The following GOLIM4 variants were observed in gnomAD, a reference collection of about 807,000 sequenced individuals.
GOLIM4 encodes golgi integral membrane protein 4, also known as 130 kDa golgi-localized phosphoprotein.
A neutral mutation model predicts 107.4 loss-of-function variants in GOLIM4; 71 were observed. That is an observed-to-expected ratio of 0.66 (90% CI 0.55 to 0.81). The LOEUF (loss-of-function observed/expected upper bound fraction) is 0.81, where lower values mean the gene tolerates loss of function less well. Ranked by LOEUF, GOLIM4 falls within the 30% of genes least tolerant of loss-of-function variation. The probability of loss-of-function intolerance (pLI) is 0.00; values close to 1 mark genes in which losing one functional copy is unlikely to be tolerated. For synonymous variants in GOLIM4, 327 were observed against 294.8 expected (o/e 1.11, Z -1.12); for missense variants, 830 against 826.1 (o/e 1.00, Z -0.06).
Position 168,010,209 on chromosome 3 carries a change from T to C in GOLIM4, c.*60A>G, listed in dbSNP as rs530455515. 4.7e-6 allele frequency: 7 copies of C among 1,485,440 alleles called. No individual in the cohort carries two copies. In the Admixed American group the frequency reaches 1.5e-4, roughly 32 times the overall value. 92.0% of individuals were successfully genotyped at this position (1,485,440 alleles called of 1,614,324 possible). A position where few individuals can be genotyped will look rare whatever the true frequency, so the allele number is the denominator to read the frequency against. On this transcript the variant is annotated 3_prime_UTR_variant, in exon 16 of 16. Coordinates refer to ENST00000470487, the MANE Select transcript of GOLIM4 (RefSeq NM_014498.5). ...TATCCTAGAGTTCAGTAGGCAGATT[T>C]ATGTTTGAGCAGCTTGAAAAGAATC...
chr3:168,051,335 T>C (rs1485051529), intron 1 of GOLIM4, among the ~76,000 whole-genome samples: 1 of 152,200 alleles, frequency 6.6e-6, no homozygotes. Context: ...AACTGAATCA[T>C]ACAACTGTCT....
chr3:168,018,281 A>T (rs1246524005), intron 14 of GOLIM4, among the ~76,000 whole-genome samples: 1 of 152,190 alleles, frequency 6.6e-6, no homozygotes, highest in African/African-American at 2.4e-5. Context: ...ATTCAGAAGA[A>T]ACAAATTACG....
chr3:168,066,362 A>G (rs1285630525), intron 1 of GOLIM4, among the ~76,000 whole-genome samples: 2 of 152,170 alleles, frequency 1.3e-5, no homozygotes, highest in Non-Finnish European at 2.9e-5. Context: ...ATTATATTAC[A>G]TATTCATTTT....
intron 1 of GOLIM4, among the ~76,000 whole-genome samples, chr3:168,083,872 T>A (rs1291776492): frequency 2.0e-5 from 3 of 152,218 alleles, no homozygotes; most frequent in African/African-American, 7.2e-5. Context: ...GAATTCAGCA[T>A]GTGCTGAATG....
At chr3:168,016,709 G>T (rs1454310623) in intron 14 of GOLIM4, among the ~76,000 whole-genome samples, 1 of 134,388 alleles carries the variant, frequency 7.4e-6, no homozygotes, top group African/African-American at 3.9e-5. Context: ...ATACTATGCA[G>T]CCATAAAAAA....
chr3:168,058,421 C>T (rs867711433), intron 1 of GOLIM4, among the ~76,000 whole-genome samples: 2 of 152,178 alleles, frequency 1.3e-5, no homozygotes, highest in Admixed American at 6.5e-5. Flanking sequence ...AAGTGCTGAG[C>T]TACTAATAAT....
At chr3:168,055,435 G>A (rs902879741) in intron 1 of GOLIM4, among the ~76,000 whole-genome samples, 5 of 152,260 alleles carry the variant, frequency 3.3e-5, no homozygotes, top group African/African-American at 1.2e-4. Flanking sequence ...AGAGATCTGT[G>A]GAACTTTGAA....
chr3:168,088,310 CCTA>C (rs1476351689), intron 1 of GOLIM4, among the ~76,000 whole-genome samples: 4 of 152,124 alleles, frequency 2.6e-5, no homozygotes, highest in Non-Finnish European at 5.9e-5. Context: ...AACACTCTTA[CCTA>C]CTAGATGTAG....
intron 8 of GOLIM4, among the ~76,000 whole-genome samples, chr3:168,035,467 TA>T (rs1312229183): frequency 2.6e-5 from 4 of 152,102 alleles, no homozygotes; most frequent in African/African-American, 7.2e-5. Context: ...TATGCAGTCA[TA>T]AAAAAAGAAC....
intron 12 of GOLIM4, 95 bp from the exon 13 acceptor site, chr3:168,025,190 T>C: frequency 2.1e-6 from 2 of 939,208 alleles, no homozygotes; most frequent in Non-Finnish European, 3.2e-6. Context: ...AAAATGAAAT[T>C]GTCCTTCCCT....
chr3:168,053,681 G>A (rs1719779084), intron 1 of GOLIM4, among the ~76,000 whole-genome samples: 1 of 152,176 alleles, frequency 6.6e-6, no homozygotes, highest in South Asian at 2.1e-4. Context: ...GCCTTTATGT[G>A]ACAGTTTTTG....
At chr3:168,017,265 A>G (rs2108211867) in intron 14 of GOLIM4, among the ~76,000 whole-genome samples, 1 of 152,206 alleles carries the variant, frequency 6.6e-6, no homozygotes, top group Non-Finnish European at 1.5e-5. Flanking sequence ...AGGCAAGAGG[A>G]TCACTTGAGC....
chr3:168,013,651 C>T (rs1717192364), intron 14 of GOLIM4, among the ~76,000 whole-genome samples: 6 of 151,432 alleles, frequency 4.0e-5, no homozygotes, highest in Admixed American at 3.9e-4. Context: ...TAAAGCTCTC[C>T]TCAGCAAATG....
intron 15 of GOLIM4, 22 bp downstream of exon 15, chr3:168,010,720 AG>A: frequency 6.5e-7 from 1 of 1,533,104 alleles, no homozygotes; most frequent in Non-Finnish European, 9.0e-7. Flanking sequence ...AGTGCTCAAT[AG>A]AAATATGTAT....
chr3:168,040,611 A>G (rs1718930153), intron 7 of GOLIM4, among the ~76,000 whole-genome samples, 175 bp downstream of exon 7: 1 of 152,218 alleles, frequency 6.6e-6, no homozygotes, highest in Admixed American at 6.5e-5. Flanking sequence ...AAATAATCAA[A>G]AGTTTAATAT....
chr3:168,015,202 C>T lies in GOLIM4; in HGVS notation c.1861-4379G>A, dbSNP rs879691428. On this transcript the variant is annotated intron_variant, in intron 14 of 15. Transcript: ENST00000470487. ...GCAACTTCAGCAAAGTCTCAGGATA[C>T]AAAATCAATGTACAAAAATCACAAG... 3.3e-4 allele frequency among the ~76,000 whole-genome samples: 45 copies of T among 134,668 alleles called. 1 individual carries two copies. The highest frequency in any genetic ancestry group is 1.6e-3 in the Admixed American group (23 of 14,036). 88.3% of individuals were successfully genotyped at this position (134,668 alleles called of 152,430 possible).
At chr3:168,083,082 G>A (rs1211322060) in intron 1 of GOLIM4, among the ~76,000 whole-genome samples, 2 of 152,090 alleles carry the variant, frequency 1.3e-5, no homozygotes, top group Non-Finnish European at 2.9e-5. Context: ...AATTATAACT[G>A]TTCAGAACAC....
intron 1 of GOLIM4, among the ~76,000 whole-genome samples, chr3:168,091,000 G>A (rs1012001208): frequency 5.9e-5 from 9 of 151,454 alleles, no homozygotes; most frequent in African/African-American, 2.2e-4. Context: ...AGTGGAAGTG[G>A]AGACTACAAA....
chr3:168,088,823 T>C (rs1577581950), intron 1 of GOLIM4, among the ~76,000 whole-genome samples: 1 of 152,214 alleles, frequency 6.6e-6, no homozygotes. Context: ...AATGTGGTAT[T>C]GTACCCCAGC....
Sources: gnomAD v4.1 joint callset for allele counts (sites outside exome capture counted in the v4.1 genomes callset) on GRCh38, gnomAD v4.1.1 for gene constraint, MANE v1.5 for transcripts, NCBI Gene and HGNC (gene_info 2026-07-23, HGNC 2026-07-21) for gene names.